The following FOXO1 variants were observed in gnomAD, a reference collection of about 807,000 sequenced individuals.
FOXO1 encodes forkhead box protein O1.
FOXO1 carries 6 observed loss-of-function variants against 44.1 expected under a neutral mutation model. The ratio of observed to expected loss-of-function variants is 0.14; its 90% CI spans 0.07 to 0.27. The LOEUF (loss-of-function observed/expected upper bound fraction) is 0.27, where lower values mean the gene tolerates loss of function less well. FOXO1 is among the 10% of genes least tolerant of loss of function. The pLI is 1.00. For synonymous variants in FOXO1, 380 were observed against 362.7 expected, an observed-to-expected ratio of 1.05 and a Z score of -0.54; for missense variants, 737 against 888.8, an observed-to-expected ratio of 0.83 and a Z score of 2.17.
intron 1 of FOXO1, among the ~76,000 whole-genome samples, chr13:40,631,516 TC>T (rs1876962431): frequency 6.6e-6 from 1 of 152,204 alleles, no homozygotes; most frequent in African/African-American, 2.4e-5. Flanking sequence ...CGTTTGTACA[TC>T]CATATTCACA....
chr13:40,666,215 T>C lies in FOXO1; in HGVS notation c.-3A>G, dbSNP rs771441009. On this transcript the variant is annotated 5_prime_UTR_variant, in exon 1 of 3. Coordinates refer to ENST00000379561, the MANE Select transcript of FOXO1 (RefSeq NM_002015.4). ...ACCACCTGAGGCGCCTCGGCCATGG[T>C]GACCCCCGCCCCTCCCCCAGCCGCA... is the stretch of plus-strand genomic sequence containing the variant. 3.7e-5 allele frequency: 53 copies of C among 1,419,152 alleles called. No homozygotes were observed. The highest frequency in any genetic ancestry group is 1.6e-4 in the South Asian group (11 of 70,608). The allele number at this position is 1,419,152 out of a possible 1,614,324, so 87.9% of individuals were successfully genotyped here.
chr13:40,613,164 C>T (rs1876296826), intron 1 of FOXO1, among the ~76,000 whole-genome samples: 1 of 152,150 alleles, frequency 6.6e-6, no homozygotes, highest in East Asian at 1.9e-4. Flanking sequence ...AGGATTATCA[C>T]TTGGTCAATA....
chr13:40,574,385 G>A (rs1036204925), intron 1 of FOXO1, among the ~76,000 whole-genome samples: 2 of 152,140 alleles, frequency 1.3e-5, no homozygotes, highest in South Asian at 2.1e-4. Context: ...TGGTGTCTCC[G>A]TACCAAATAA....
intron 1 of FOXO1, among the ~76,000 whole-genome samples, chr13:40,571,333 G>A (rs2137837599): frequency 6.6e-6 from 1 of 152,198 alleles, no homozygotes; most frequent in Non-Finnish European, 1.5e-5. Flanking sequence ...TAACAAGCCT[G>A]CACATTGTGC....
chr13:40,608,497 T>C (rs1278640443), intron 1 of FOXO1, among the ~76,000 whole-genome samples: 3 of 152,226 alleles, frequency 2.0e-5, no homozygotes, highest in Non-Finnish European at 4.4e-5. Context: ...ACTGAGACTT[T>C]TGGGGTTATT....
At chr13:40,654,554 A>C (rs1877798449) in intron 1 of FOXO1, among the ~76,000 whole-genome samples, 1 of 151,882 alleles carries the variant, frequency 6.6e-6, no homozygotes, top group African/African-American at 2.4e-5. Flanking sequence ...TAGGGAGAAA[A>C]ATACATCAAC....
intron 1 of FOXO1, among the ~76,000 whole-genome samples, chr13:40,607,611 T>C (rs1294155656): frequency 6.6e-6 from 1 of 152,214 alleles, no homozygotes; most frequent in Non-Finnish European, 1.5e-5. Flanking sequence ...CATTCGACAG[T>C]CATTACTCCA....
At chr13:40,647,265 T>C (rs753294095) in intron 1 of FOXO1, among the ~76,000 whole-genome samples, 1 of 152,174 alleles carries the variant, frequency 6.6e-6, no homozygotes, top group Non-Finnish European at 1.5e-5. Flanking sequence ...AAACCCTAAT[T>C]CTTTTCTTAG....
chr13:40,581,459 C>T (rs1874953682), intron 1 of FOXO1, among the ~76,000 whole-genome samples: 1 of 152,206 alleles, frequency 6.6e-6, no homozygotes, highest in South Asian at 2.1e-4. Context: ...TGCTACAAAT[C>T]TTAACTTTCA....
chr13:40,573,654 A>C (rs1874632578), intron 1 of FOXO1, among the ~76,000 whole-genome samples: 1 of 152,236 alleles, frequency 6.6e-6, no homozygotes, highest in Non-Finnish European at 1.5e-5. Context: ...GTCATACGTT[A>C]AGACAAGACT....
chr13:40,594,245 C>T (rs187341256), intron 1 of FOXO1, among the ~76,000 whole-genome samples: 2 of 152,238 alleles, frequency 1.3e-5, no homozygotes, highest in Non-Finnish European at 2.9e-5. Context: ...CACTTCTATG[C>T]TCTTCTGGAG....
intron 1 of FOXO1, among the ~76,000 whole-genome samples, chr13:40,601,728 C>G (rs958357791): frequency 2.6e-5 from 4 of 152,058 alleles, no homozygotes; most frequent in African/African-American, 9.7e-5. Context: ...AGATGTTGTT[C>G]TTGCTTTGTT....
intron 1 of FOXO1, among the ~76,000 whole-genome samples, chr13:40,639,952 C>G (rs1232076103): frequency 6.6e-6 from 1 of 152,224 alleles, no homozygotes; most frequent in Non-Finnish European, 1.5e-5. Context: ...AAGTGCTATC[C>G]TCATTATACA....
rs897836723 is a variant in FOXO1 at position 40,666,177 on chromosome 13, C to T, written c.36G>A (p.Pro12=). ...GCGGCCGGGGCAGCGGCTCGAAGTC[C>T]GGGTCGATCTCCACCACCTGAGGCG... is the stretch of plus-strand genomic sequence containing the variant. ...AEAPQVVEID[P]DFEPLPRPRS... Residue 12 remains proline (P), a synonymous_variant, in exon 1 of 3, where the codon CCG becomes CCA. Transcript: ENST00000379561. 2 of 1,457,808 alleles carry T rather than the reference C, an allele frequency of 1.4e-6. No individual in the cohort carries two copies. Among genetic ancestry groups the T allele is most frequent in the South Asian group, 1.3e-5 (1 of 76,448 alleles). The allele number at this position is 1,457,808 out of a possible 1,614,324, so 90.3% of individuals were successfully genotyped here.
intron 1 of FOXO1, among the ~76,000 whole-genome samples, chr13:40,566,362 AACTTTCATTG>A (rs1874268242): frequency 6.6e-6 from 1 of 150,906 alleles, no homozygotes; most frequent in Non-Finnish European, 1.5e-5. Context: ...AAATCTTTAC[AACTTTCATTG>A]ACTTTCATTT....
chr13:40,636,019 G>C (rs1443053831), intron 1 of FOXO1, among the ~76,000 whole-genome samples: 1 of 152,144 alleles, frequency 6.6e-6, no homozygotes, highest in Non-Finnish European at 1.5e-5. Context: ...AAACTAGCCT[G>C]GCCAACATGA....
chr13:40,620,372 G>C, intron 1 of FOXO1: 1 of 703,764 alleles, frequency 1.4e-6, no homozygotes, highest in South Asian at 1.5e-5. Flanking sequence ...CTCGTTTAGA[G>C]CGGTCACGTA....
intron 1 of FOXO1, among the ~76,000 whole-genome samples, chr13:40,562,985 C>G (rs181687338): frequency 6.6e-6 from 1 of 152,366 alleles, no homozygotes; most frequent in East Asian, 1.9e-4. Flanking sequence ...GAGGTCTGCT[C>G]CCAAGGAGTG....
At chr13:40,628,389 A>ACACACACACC (rs1555252079) in intron 1 of FOXO1, among the ~76,000 whole-genome samples, 1 of 148,704 alleles carries the variant, frequency 6.7e-6, no homozygotes, top group East Asian at 2.0e-4. Context: ...ACACACACAC[A>ACACACACACC]CCCCGTGAGG....
Sources: gnomAD v4.1 joint callset for allele counts (sites outside exome capture counted in the v4.1 genomes callset) on GRCh38, gnomAD v4.1.1 for gene constraint, MANE v1.5 for transcripts, NCBI Gene and HGNC (gene_info 2026-07-23, HGNC 2026-07-21) for gene names.